The following SLIT1 variants were observed in gnomAD, a reference collection of about 807,000 sequenced individuals.
SLIT1 encodes slit homolog 1 protein.
In SLIT1, 66 loss-of-function variants were observed where a neutral mutation model predicts 186.1. The ratio of observed to expected loss-of-function variants is 0.35; its 90% confidence interval spans 0.29 to 0.44. The LOEUF (loss-of-function observed/expected upper bound fraction) is 0.44. Ranked by LOEUF, SLIT1 falls within the 20% of genes least tolerant of loss-of-function variation. The probability of loss-of-function intolerance (pLI) is 1.00; values close to 1 mark genes in which losing one functional copy is unlikely to be tolerated. For missense variants in SLIT1, 1,638 were observed against 2,037.4 expected (o/e 0.80, Z 3.77); for synonymous variants, 761 against 833.8 (o/e 0.91, Z 1.50).
In SLIT1 at chr10:97,119,222, G is replaced by T. The variant is rs1438941886; in HGVS notation, c.413+38596C>A. On this transcript the variant is annotated intron_variant, in intron 4 of 36. Coordinates refer to ENST00000266058, the MANE Select transcript of SLIT1 (RefSeq NM_003061.3). ...CTCCTCAGGGAACCCCACCCTCACA[G>T]GAAGGTCAGGGGTCAACTCATCGCC... Among the ~76,000 whole-genome samples the T allele has an allele frequency of 2.6e-5, 4 of 152,288 alleles. No homozygotes were observed. The South Asian group carries it at 8.3e-4, about 32-fold the overall frequency.
At chr10:97,066,143 G>A in intron 4 of SLIT1, 57 bp from the exon 5 acceptor site, 1 of 1,376,988 alleles carries the variant, frequency 7.3e-7, no homozygotes, top group Non-Finnish European at 1.0e-6. Flanking sequence ...GGTTCCTGCA[G>A]AGTGCTGTGA....
chr10:97,044,259 G>A (rs1275683894), intron 18 of SLIT1, among the ~76,000 whole-genome samples: 1 of 152,208 alleles, frequency 6.6e-6, no homozygotes, highest in African/African-American at 2.4e-5. Flanking sequence ...AGCCAGGCAT[G>A]GTGGTGTGCA....
chr10:97,026,412 C>T (rs1482805399), intron 25 of SLIT1, among the ~76,000 whole-genome samples: 4 of 151,138 alleles, frequency 2.6e-5, no homozygotes, highest in African/African-American at 4.9e-5. Flanking sequence ...TGCAGTGAGC[C>T]GAGATCTCAC....
At chr10:97,067,103 C>T (rs1330504099) in intron 4 of SLIT1, among the ~76,000 whole-genome samples, 2 of 152,206 alleles carry the variant, frequency 1.3e-5, no homozygotes, top group African/African-American at 2.4e-5. Context: ...ACCCTGTGCT[C>T]TTGTGGACTG....
Position 97,048,015 on chromosome 10 carries a change from A to G in SLIT1, c.1466-19T>C. Reference sequence around the variant, plus strand: ...TCTTTGGCTGGGAAGAGAAGCAGAAATACCATAATGCAGGAATCAGCCAGG... The same window carrying G: ...TCTTTGGCTGGGAAGAGAAGCAGAAGTACCATAATGCAGGAATCAGCCAGG... On this transcript the variant is annotated intron_variant, in intron 14 of 36. Coordinates refer to ENST00000266058, the MANE Select transcript of SLIT1 (RefSeq NM_003061.3). 6.2e-7 allele frequency: 1 copy of G among 1,614,046 alleles called. No individual in the cohort carries two copies. The highest frequency in any genetic ancestry group is 1.7e-5 in the Admixed American group (1 of 60,016).
In SLIT1 at chr10:97,032,774, G is replaced by A. The variant is rs1048700242; in HGVS notation, c.2439-1097C>T. Among the ~76,000 whole-genome samples the A allele has an allele frequency of 2.0e-5, 3 of 152,240 alleles. No individual in the cohort carries two copies. In the East Asian group the frequency reaches 5.8e-4, roughly 29 times the overall value. ...TGTTCCCCAGCAGACGAATGGATGAGCAAACTGTGGCACATCCATGCCTGT... is the reference window on the plus strand; with the variant it reads ...TGTTCCCCAGCAGACGAATGGATGAACAAACTGTGGCACATCCATGCCTGT... On this transcript the variant is annotated intron_variant, in intron 23 of 36. Coordinates refer to ENST00000266058, the MANE Select transcript of SLIT1 (RefSeq NM_003061.3).
intron 4 of SLIT1, among the ~76,000 whole-genome samples, chr10:97,072,979 C>T (rs192053359): frequency 2.0e-5 from 3 of 152,330 alleles, no homozygotes; most frequent in Admixed American, 2.0e-4. Context: ...TTGTCCCTGC[C>T]CGAAGCACAG....
At chr10:97,163,293 C>A (rs1589417355) in intron 3 of SLIT1, 87 bp downstream of exon 3, 1 of 1,144,448 alleles carries the variant, frequency 8.7e-7, no homozygotes, top group Non-Finnish European at 1.3e-6. Context: ...CCCATGAGTG[C>A]CCCTCATCCC....
chr10:97,060,922 A>G, intron 8 of SLIT1, 135 bp from the exon 9 acceptor site: 1 of 975,360 alleles, frequency 1.0e-6, no homozygotes, highest in Non-Finnish European at 1.5e-6. Flanking sequence ...GGGGATCACT[A>G]ATGAAATAAG....
intron 4 of SLIT1, among the ~76,000 whole-genome samples, chr10:97,091,299 G>A (rs577769921): frequency 1.7e-4 from 26 of 152,158 alleles, no homozygotes; most frequent in Admixed American, 3.3e-4. Context: ...ATGTCTTTCC[G>A]TGAAGTGAGC....
At chr10:97,065,142 ACACACACACACAC>A in intron 5 of SLIT1, among the ~76,000 whole-genome samples, 1 of 580 alleles carries the variant, frequency 1.7e-3, no homozygotes, top group Admixed American at 0.05. Context: ...CCCCCTACAC[ACACACACACACAC>A]ACACACACAC....
chr10:97,063,421 G>C (rs762873295), intron 8 of SLIT1, 34 bp downstream of exon 8: 1 of 1,610,350 alleles, frequency 6.2e-7, no homozygotes, highest in South Asian at 1.1e-5. Context: ...GGAGGCGCCG[G>C]ACAGTTGAGA....
intron 4 of SLIT1, among the ~76,000 whole-genome samples, chr10:97,074,089 G>A (rs530823360): frequency 1.3e-5 from 2 of 152,052 alleles, no homozygotes; most frequent in East Asian, 1.9e-4. Flanking sequence ...TTTACTTTTC[G>A]GCACAACCCA....
intron 4 of SLIT1, among the ~76,000 whole-genome samples, chr10:97,093,313 C>T (rs1271531382): frequency 4.6e-5 from 7 of 152,242 alleles, no homozygotes; most frequent in Admixed American, 4.6e-4. Context: ...TTCCTTCTTA[C>T]AAGAACTGTG....
At chr10:97,020,612 G>A (rs957361117) in intron 26 of SLIT1, among the ~76,000 whole-genome samples, 16 of 152,228 alleles carry the variant, frequency 1.1e-4, no homozygotes, top group Non-Finnish European at 7.3e-5. Flanking sequence ...AGTGGCCTCT[G>A]AGCTTGCAGA....
Position 97,043,506 on chromosome 10 carries a change from G to T in SLIT1, c.1861C>A (p.Arg621=), listed in dbSNP as rs777777506. The change falls in exon 19 of 37, where the codon CGG becomes AGG. Residue 621 remains arginine, a synonymous_variant. Transcript: ENST00000266058. The surrounding 1 kb of genome is among the most constrained non-coding windows in gnomAD (Gnocchi z 7.0). ...TGGATGCAGCTGATGCGGTTGTTCC[G>T]CAGCATTCTGGGGAGGAACGGGGGA... is the stretch of plus-strand genomic sequence containing the variant. ...GLDGLRTLML[R]NNRISCIHND... 5.6e-6 allele frequency: 9 copies of T among 1,613,228 alleles called. No individual in the cohort carries two copies. The East Asian group carries it at 1.8e-4, about 32-fold the overall frequency.
chr10:97,075,186 G>T (rs1208366619), intron 4 of SLIT1, among the ~76,000 whole-genome samples: 2 of 152,228 alleles, frequency 1.3e-5, no homozygotes. Context: ...GGGTACCAGG[G>T]CACCTCATCT....
chr10:97,073,464 GCCTGTCC>G (rs1236542282), intron 4 of SLIT1, among the ~76,000 whole-genome samples: 2 of 152,216 alleles, frequency 1.3e-5, no homozygotes, highest in Non-Finnish European at 2.9e-5. Flanking sequence ...GGCAGCCAGG[GCCTGTCC>G]CAGCCCGGGG....
rs1387108120 is a variant in SLIT1 at position 97,010,896 on chromosome 10, C to T, written c.3341+97G>A. ...CCAGCATCCAACTTCCAGGCTCTGA[C>T]CCACACCCCTTTCCTTCGCCATGGC... is the stretch of plus-strand genomic sequence containing the variant. On this transcript the variant is annotated intron_variant, in intron 31 of 36. Transcript: ENST00000266058. The surrounding 1 kb of genome is among the most constrained non-coding windows in gnomAD (Gnocchi z 4.8). 20 of 1,212,652 alleles carry T rather than the reference C, an allele frequency of 1.6e-5. No individual in the cohort carries two copies. In the South Asian group the frequency reaches 2.8e-4, roughly 17 times the overall value. The allele number at this position is 1,212,652 out of a possible 1,614,324, so 75.1% of individuals were successfully genotyped here.
Sources: gnomAD v4.1 joint callset for allele counts (sites outside exome capture counted in the v4.1 genomes callset) on GRCh38, gnomAD v4.1.1 for gene constraint, Gnocchi (gnomAD v3.1) non-coding constraint, MANE v1.5 for transcripts, NCBI Gene and HGNC (gene_info 2026-07-23, HGNC 2026-07-21) for gene names.